Variants in UBE2H observed in about 807,000 individuals in gnomAD.
UBE2H encodes the protein ubiquitin conjugating enzyme E2 H.
In UBE2H, 3 loss-of-function variants were observed where a neutral mutation model predicts 29.0. That is an observed-to-expected ratio of 0.10 (90% confidence interval 0.05 to 0.27). The LOEUF (loss-of-function observed/expected upper bound fraction) is 0.27. UBE2H is among the 10% of genes least tolerant of loss of function. The pLI is 1.00. For synonymous variants in UBE2H, 69 were observed against 82.9 expected (o/e 0.83, Z 0.91); for missense variants, 68 against 228.2 (o/e 0.30, Z 4.52).
At chr7:129,917,180 G>A (rs988974062) in intron 1 of UBE2H, among the ~76,000 whole-genome samples, 14 of 152,162 alleles carry the variant, frequency 9.2e-5, no homozygotes, top group African/African-American at 2.4e-4. Flanking sequence ...GCAACAAAGC[G>A]AGACTCCGTC....
chr7:129,862,975 A>C (rs1160392537), intron 3 of UBE2H, among the ~76,000 whole-genome samples: 2 of 152,324 alleles, frequency 1.3e-5, no homozygotes, highest in Non-Finnish European at 1.5e-5. Context: ...TGGGAATCCT[A>C]CAGGGCATTA....
At chr7:129,839,472 T>A in intron 5 of UBE2H, 137 bp from the exon 6 acceptor site, 1 of 1,152,790 alleles carries the variant, frequency 8.7e-7, no homozygotes. Flanking sequence ...CTCTATTACA[T>A]GTGACTTGTA....
intron 1 of UBE2H, 119 bp downstream of exon 1, chr7:129,952,384 G>T: frequency 7.9e-7 from 1 of 1,266,102 alleles, no homozygotes; most frequent in Non-Finnish European, 1.1e-6. Context: ...TGGGGGAGGA[G>T]GGGAGTCTCG....
intron 1 of UBE2H, among the ~76,000 whole-genome samples, chr7:129,945,113 G>C (rs528940690): frequency 6.6e-6 from 1 of 152,296 alleles, no homozygotes; most frequent in East Asian, 1.9e-4. Context: ...GGTTGGAAGG[G>C]AGGGAGGGAA....
chr7:129,859,394 G>A (rs1001254953), intron 3 of UBE2H, among the ~76,000 whole-genome samples: 3 of 152,114 alleles, frequency 2.0e-5, no homozygotes, highest in South Asian at 2.1e-4. Flanking sequence ...CACTGTGCAC[G>A]GAACATGAAT....
At chr7:129,851,429 C>G (rs752074118) in intron 5 of UBE2H, among the ~76,000 whole-genome samples, 91 of 152,282 alleles carry the variant, frequency 6.0e-4, no homozygotes, top group Middle Eastern at 3.4e-3. Context: ...ACTCGCTATT[C>G]AAGCTTGTAA....
At chr7:129,934,843 G>T (rs1260162909) in intron 1 of UBE2H, among the ~76,000 whole-genome samples, 7 of 151,472 alleles carry the variant, frequency 4.6e-5, no homozygotes, top group Admixed American at 4.6e-4. Context: ...AAGGTAGCCA[G>T]ATCACTTGAG....
chr7:129,893,309 A>C (rs959797061), intron 1 of UBE2H, among the ~76,000 whole-genome samples: 3 of 152,218 alleles, frequency 2.0e-5, no homozygotes, highest in African/African-American at 7.2e-5. Context: ...CATCACTATA[A>C]CTTGGCTTTT....
intron 3 of UBE2H, 147 bp downstream of exon 3, chr7:129,879,421 A>T: frequency 1.4e-6 from 1 of 718,562 alleles, no homozygotes; most frequent in South Asian, 1.6e-5. Flanking sequence ...GTTCCCCCCA[A>T]AAGTCACTGA....
At chr7:129,869,508 G>C (rs1382432492) in intron 3 of UBE2H, among the ~76,000 whole-genome samples, 1 of 151,960 alleles carries the variant, frequency 6.6e-6, no homozygotes, top group African/African-American at 2.4e-5. Context: ...TTCTTACTCA[G>C]CTTAAGATTT....
intron 3 of UBE2H, among the ~76,000 whole-genome samples, chr7:129,866,908 T>C (rs1362743834): frequency 1.3e-5 from 2 of 152,206 alleles, no homozygotes; most frequent in Non-Finnish European, 2.9e-5. Flanking sequence ...AGTTAATATA[T>C]GTAAAGCATT....
rs141025120 is a variant in UBE2H, at chr7:129,902,624, C to T, written c.54-21653G>A. On this transcript the variant is annotated intron_variant, in intron 1 of 6. Transcript: ENST00000355621. ...CCCCCATTTCCTAGGAAGTAGCCTA[C>T]AGCCTCCTATTTAAGGTGGAGGAGC... 1.1e-3 allele frequency among the ~76,000 whole-genome samples: 174 copies of T among 152,342 alleles called. 1 individual carries two copies. The Middle Eastern group carries it at 0.034, about 30-fold the overall frequency.
At chr7:129,881,920 A>T (rs1168969858) in intron 1 of UBE2H, among the ~76,000 whole-genome samples, 1 of 152,182 alleles carries the variant, frequency 6.6e-6, no homozygotes, top group Non-Finnish European at 1.5e-5. Flanking sequence ...CCTTGCCACA[A>T]GCAGTACTGC....
At position 129,868,739 on chromosome 7, in the gene UBE2H, G is replaced by C. The variant is rs558080720; in HGVS notation, c.206-9798C>G. Among the ~76,000 whole-genome samples, 22 of 152,166 alleles carry C rather than the reference G, an allele frequency of 1.4e-4. No individual in the cohort carries two copies. The East Asian group carries it at 4.3e-3, about 29-fold the overall frequency. On this transcript the variant is annotated intron_variant, in intron 3 of 6. Transcript: ENST00000355621. ...CTATTTTTACTCTGGCTAATAACAA[G>C]ATGAAGGTAAATGAATTTAGACATT...
At chr7:129,915,946 C>T (rs1807035452) in intron 1 of UBE2H, among the ~76,000 whole-genome samples, 1 of 152,150 alleles carries the variant, frequency 6.6e-6, no homozygotes, top group African/African-American at 2.4e-5. Context: ...TTAAAAATTC[C>T]TTGACCTCTA....
At chr7:129,933,721 G>A (rs1398484441) in intron 1 of UBE2H, among the ~76,000 whole-genome samples, 8 of 152,194 alleles carry the variant, frequency 5.3e-5, no homozygotes, top group African/African-American at 1.9e-4. Flanking sequence ...TTCAATTGCA[G>A]GTGCCAAAGT....
intron 1 of UBE2H, among the ~76,000 whole-genome samples, chr7:129,928,259 C>T (rs183142930): frequency 4.3e-4 from 65 of 151,710 alleles, no homozygotes; most frequent in African/African-American, 1.3e-3. Context: ...TCCAGCCTGG[C>T]GACAGAGCAA....
intron 1 of UBE2H, among the ~76,000 whole-genome samples, chr7:129,948,678 G>C (rs1807812953): frequency 6.6e-6 from 1 of 151,844 alleles, no homozygotes; most frequent in Non-Finnish European, 1.5e-5. Flanking sequence ...AATAAGGGGG[G>C]GATCCTATTA....
At chr7:129,878,218 G>A (rs1806185114) in intron 3 of UBE2H, among the ~76,000 whole-genome samples, 1 of 152,094 alleles carries the variant, frequency 6.6e-6, no homozygotes, top group Admixed American at 6.6e-5. Flanking sequence ...GATGTGCTCG[G>A]GGGCTGTCTC....
Sources: allele counts gnomAD v4.1 joint callset (sites outside exome capture counted in the v4.1 genomes callset), GRCh38; gene constraint gnomAD v4.1.1; transcripts MANE v1.5; gene names NCBI Gene and HGNC (gene_info 2026-07-23, HGNC 2026-07-21).